MYOF: variants seen among roughly 807,000 people sequenced by gnomAD.
The protein encoded by MYOF is fer-1-like 3, myoferlin.
A neutral mutation model predicts 284.2 loss-of-function variants in MYOF; 244 were observed. The observed-to-expected ratio is 0.86, with a 90% CI of 0.77 to 0.95. The LOEUF is 0.95. Ranked by LOEUF, MYOF falls within the 40% of genes least tolerant of loss-of-function variation. The pLI, the probability that MYOF is intolerant of heterozygous loss-of-function variation, is 0.00. For missense variants in MYOF, 2,496 were observed against 2,560.6 expected, an observed-to-expected ratio of 0.97 and a Z score of 0.54; for synonymous variants, 904 against 919.7, an observed-to-expected ratio of 0.98 and a Z score of 0.31.
At chr10:93,479,055 T>C (rs984065397) in intron 1 of MYOF, among the ~76,000 whole-genome samples, 1 of 152,074 alleles carries the variant, frequency 6.6e-6, no homozygotes, top group Non-Finnish European at 1.5e-5. Flanking sequence ...CTGACTTTGT[T>C]TATTTACCCA....
intron 1 of MYOF, among the ~76,000 whole-genome samples, chr10:93,470,995 A>G (rs536146527): frequency 3.3e-5 from 5 of 152,332 alleles, no homozygotes; most frequent in African/African-American, 1.2e-4. Flanking sequence ...TGAAAGAAAG[A>G]GAGAGAAGGG....
intron 38 of MYOF, among the ~76,000 whole-genome samples, chr10:93,340,883 C>A (rs993688234): frequency 6.6e-6 from 1 of 152,130 alleles, no homozygotes; most frequent in Non-Finnish European, 1.5e-5. Context: ...CCAAGCTCGT[C>A]CTCAGCAGCA....
chr10:93,345,760 A>T (rs1278639373), intron 37 of MYOF, among the ~76,000 whole-genome samples: 1 of 152,224 alleles, frequency 6.6e-6, no homozygotes, highest in African/African-American at 2.4e-5. Context: ...AGGCCATCCA[A>T]GTGCCCTCAA....
chr10:93,394,270 T>C (rs1846849457), intron 16 of MYOF, among the ~76,000 whole-genome samples: 1 of 151,292 alleles, frequency 6.6e-6, no homozygotes, highest in African/African-American at 2.4e-5. Flanking sequence ...CCCGGCTAAT[T>C]TTTGTATTTT....
chr10:93,465,937 C>T (rs905503574), intron 1 of MYOF, among the ~76,000 whole-genome samples: 7 of 152,198 alleles, frequency 4.6e-5, no homozygotes, highest in Admixed American at 1.3e-4. Flanking sequence ...AGGCTGGGAC[C>T]GCCCTGGTGG....
At chr10:93,395,399 C>T (rs1422344755) in intron 16 of MYOF, among the ~76,000 whole-genome samples, 6 of 152,186 alleles carry the variant, frequency 3.9e-5, no homozygotes, top group Non-Finnish European at 5.9e-5. Flanking sequence ...GCTGAGATCA[C>T]GCCACTGCAC....
intron 25 of MYOF, among the ~76,000 whole-genome samples, chr10:93,368,518 C>T (rs1193025484): frequency 1.3e-5 from 2 of 152,162 alleles, no homozygotes; most frequent in Non-Finnish European, 2.9e-5. Context: ...CAGCTGGTTA[C>T]CTGGCTCAGT....
intron 1 of MYOF, among the ~76,000 whole-genome samples, chr10:93,470,238 A>AAG (rs1554874176): frequency 6.8e-5 from 4 of 58,816 alleles, no homozygotes; most frequent in Admixed American, 2.7e-4. Flanking sequence ...CAAAAAAAAA[A>AAG]AAAGAAAGAA....
chr10:93,478,677 TA>T (rs11306689), intron 1 of MYOF, among the ~76,000 whole-genome samples: 101,757 of 150,462 alleles, frequency 0.68, 35,388 homozygotes, highest in Non-Finnish European at 0.76. Context: ...CAAAAAAAAT[TA>T]AAAATTAGCT....
At chr10:93,350,084 A>G in intron 35 of MYOF, 115 bp from the exon 36 acceptor site, 2 of 1,071,036 alleles carry the variant, frequency 1.9e-6, no homozygotes, top group South Asian at 3.4e-5. Context: ...TTTGAACATT[A>G]TCCTAGTAAG....
chr10:93,427,706 A>G (rs1043013550), intron 4 of MYOF, among the ~76,000 whole-genome samples: 1 of 152,086 alleles, frequency 6.6e-6, no homozygotes, highest in African/African-American at 2.4e-5. Context: ...CGAAATGCCT[A>G]GAGCCAAATG....
chr10:93,477,623 C>T (rs562053189), intron 1 of MYOF, among the ~76,000 whole-genome samples: 3 of 151,264 alleles, frequency 2.0e-5, no homozygotes, highest in African/African-American at 4.9e-5. Context: ...CCAAGGCAGG[C>T]GGATCATGAG....
intron 2 of MYOF, among the ~76,000 whole-genome samples, chr10:93,453,852 T>C (rs750776848): frequency 1.8e-4 from 28 of 151,866 alleles, no homozygotes; most frequent in Non-Finnish European, 2.6e-4. Context: ...GCCATTACAC[T>C]CTGGCCTGGG....
chr10:93,436,942 C>A (rs529475221), intron 3 of MYOF, among the ~76,000 whole-genome samples: 30 of 152,186 alleles, frequency 2.0e-4, no homozygotes, highest in South Asian at 4.1e-4. Flanking sequence ...GAACTCCAAC[C>A]AACACTAAAA....
intron 46 of MYOF, 157 bp from the exon 47 acceptor site, chr10:93,323,515 AG>A: frequency 1.5e-6 from 1 of 685,258 alleles, no homozygotes; most frequent in South Asian, 2.0e-5. Context: ...GAGCAAACCA[AG>A]GTTAATCTTT....
In MYOF at chr10:93,443,311, G is replaced by A. The variant is rs75975189; in HGVS notation, c.236+8739C>T. Among the ~76,000 whole-genome samples, 987 of 152,190 alleles carry A rather than the reference G, an allele frequency of 6.5e-3. 3 individuals are homozygous for A. The highest frequency in any genetic ancestry group is 0.02 in the African/African-American group (830 of 41,494). On this transcript the variant is annotated intron_variant, in intron 3 of 53. Transcript: ENST00000359263. ...CTATGAATTACAAGGTGTTTCCCCC[G>A]GTTGGCGGGAACATAAACTCTTTCT...
chr10:93,387,597 G>T (rs1202020464), intron 19 of MYOF, among the ~76,000 whole-genome samples, 200 bp downstream of exon 19: 1 of 152,182 alleles, frequency 6.6e-6, no homozygotes, highest in Non-Finnish European at 1.5e-5. Flanking sequence ...CATTCAGTTT[G>T]TGGGTATCAG....
chr10:93,461,309 A>G (rs1489320573), intron 1 of MYOF, among the ~76,000 whole-genome samples: 1 of 152,166 alleles, frequency 6.6e-6, no homozygotes. Flanking sequence ...CTTCCACCCA[A>G]CAAATGTTTG....
At chr10:93,456,461 A>G (rs1458820590) in intron 2 of MYOF, among the ~76,000 whole-genome samples, 2 of 152,242 alleles carry the variant, frequency 1.3e-5, no homozygotes, top group Non-Finnish European at 2.9e-5. Flanking sequence ...CTAGACACAC[A>G]GAGAATCATG....
Sources: gnomAD v4.1 joint callset for allele counts (sites outside exome capture counted in the v4.1 genomes callset) on GRCh38, gnomAD v4.1.1 for gene constraint, MANE v1.5 for transcripts, NCBI Gene and HGNC (gene_info 2026-07-23, HGNC 2026-07-21) for gene names.